The following ARFGEF3 variants were observed in gnomAD, a reference collection of about 807,000 sequenced individuals.
ARFGEF3 encodes brefeldin A-inhibited guanine nucleotide-exchange protein 3.
A neutral mutation model predicts 221.7 loss-of-function variants in ARFGEF3; 96 were observed. The observed-to-expected ratio is 0.43, with a 90% CI of 0.37 to 0.51. The LOEUF (loss-of-function observed/expected upper bound fraction) is 0.51. ARFGEF3 is among the 20% of genes least tolerant of loss of function. The probability of loss-of-function intolerance (pLI) is 0.00; values close to 1 mark genes in which losing one functional copy is unlikely to be tolerated. For synonymous variants in ARFGEF3, 1,145 were observed against 1,126.8 expected (o/e 1.02, Z -0.32); for missense variants, 2,410 against 2,789.9 (o/e 0.86, Z 3.07).
intron 22 of ARFGEF3, among the ~76,000 whole-genome samples, chr6:138,299,661 G>T (rs776366017): frequency 6.6e-6 from 1 of 152,016 alleles, no homozygotes; most frequent in Non-Finnish European, 1.5e-5. Flanking sequence ...GTTTTCCCGC[G>T]AGGGAATTTG....
At chr6:138,233,747 A>G (rs1778235298) in intron 5 of ARFGEF3, among the ~76,000 whole-genome samples, 1 of 152,210 alleles carries the variant, frequency 6.6e-6, no homozygotes, top group Non-Finnish European at 1.5e-5. Flanking sequence ...TCTACAATTA[A>G]GGAACAGATA....
chr6:138,232,490 C>T (rs1478503950), intron 5 of ARFGEF3, among the ~76,000 whole-genome samples: 2 of 152,120 alleles, frequency 1.3e-5, no homozygotes, highest in Non-Finnish European at 2.9e-5. Flanking sequence ...CGGAAGGCTT[C>T]TCTGTGGGAT....
intron 1 of ARFGEF3, among the ~76,000 whole-genome samples, chr6:138,164,250 G>A (rs116485056): frequency 0.012 from 1,769 of 152,204 alleles, 31 homozygotes; most frequent in African/African-American, 0.04. Context: ...AGATTAATGT[G>A]TAAATTCCTC....
At position 138,252,574 on chromosome 6, in the gene ARFGEF3, CT is replaced by C. The variant is rs1370187320; in HGVS notation, c.666-1304del. On this transcript the variant is annotated intron_variant, in intron 8 of 33. Transcript: ENST00000251691. ...ACTTTTCTTTACTTCCTTCCTATCT[CT>C]TCAAGTTTCTAGTTGGCCTGCATGA... Among the ~76,000 whole-genome samples the C allele has an allele frequency of 1.3e-5, 2 of 152,172 alleles. 1 individual carries two copies. Among genetic ancestry groups the C allele is most frequent in the East Asian group, 3.8e-4 (2 of 5,196 alleles).
intron 2 of ARFGEF3, among the ~76,000 whole-genome samples, chr6:138,185,145 C>G (rs112524786): frequency 2.6e-4 from 40 of 152,250 alleles, no homozygotes; most frequent in African/African-American, 9.1e-4. Context: ...AGAGGGGTAC[C>G]CTCTCAGTCT....
chr6:138,265,118 T>C (rs941963415), intron 12 of ARFGEF3, among the ~76,000 whole-genome samples: 3 of 152,252 alleles, frequency 2.0e-5, no homozygotes, highest in East Asian at 3.9e-4. Flanking sequence ...TTAGCCAGGA[T>C]GGTCTCGATC....
chr6:138,315,309 A>C (rs1779903924), intron 26 of ARFGEF3, among the ~76,000 whole-genome samples: 2 of 152,296 alleles, frequency 1.3e-5, no homozygotes, highest in South Asian at 4.1e-4. Flanking sequence ...GTAACTGTGG[A>C]TCATTTTCAG....
In ARFGEF3 at chr6:138,299,498, A is replaced by G. The variant is rs193251747; in HGVS notation, c.3828+713A>G. 1.1e-3 allele frequency among the ~76,000 whole-genome samples: 171 copies of G among 152,280 alleles called. 1 individual carries two copies. Among genetic ancestry groups the G allele is most frequent in the African/African-American group, 3.6e-3 (149 of 41,560 alleles). On this transcript the variant is annotated intron_variant, in intron 22 of 33. Coordinates refer to ENST00000251691, the MANE Select transcript of ARFGEF3 (RefSeq NM_020340.5). The stretch of plus-strand genomic sequence containing the variant: ...TATTTCACACGATGGTGGGCTAGAA[A>G]TACAGGATCTCTCTCTCTGAAGTCC...
intron 24 of ARFGEF3, among the ~76,000 whole-genome samples, chr6:138,309,713 G>A (rs754199926): frequency 7.9e-5 from 12 of 152,212 alleles, no homozygotes; most frequent in Non-Finnish European, 1.5e-4. Flanking sequence ...AGAATGAGGG[G>A]CACTGATGGT....
chr6:138,267,636 A>G (rs1208978403), intron 12 of ARFGEF3, among the ~76,000 whole-genome samples: 4 of 152,190 alleles, frequency 2.6e-5, no homozygotes, highest in Non-Finnish European at 5.9e-5. Context: ...AAGTCTTTTT[A>G]AAATTTGAGG....
At chr6:138,323,272 C>T in intron 29 of ARFGEF3, among the ~76,000 whole-genome samples, 1 of 152,160 alleles carries the variant, frequency 6.6e-6, no homozygotes, top group Non-Finnish European at 1.5e-5. Flanking sequence ...TAAACCTGTG[C>T]ATGAGCCCAT....
intron 31 of ARFGEF3, among the ~76,000 whole-genome samples, chr6:138,326,065 C>T (rs1780121874): frequency 2.0e-5 from 3 of 152,080 alleles, no homozygotes. Flanking sequence ...CCATGTTGGC[C>T]AGGCTGGTCT....
chr6:138,314,914 A>C (rs967270580), intron 26 of ARFGEF3, among the ~76,000 whole-genome samples: 10 of 152,220 alleles, frequency 6.6e-5, no homozygotes, highest in South Asian at 2.1e-4. Context: ...TGGACTTTCC[A>C]AAAACATCAC....
chr6:138,283,007 C>T (rs774852245), intron 14 of ARFGEF3, among the ~76,000 whole-genome samples: 34 of 151,932 alleles, frequency 2.2e-4, no homozygotes, highest in East Asian at 1.6e-3. Flanking sequence ...GCTGAGATCG[C>T]GTCACTGCAC....
rs79915660 is a variant in ARFGEF3 at position 138,167,337 on chromosome 6, G to A, written c.86-3325G>A. Among the ~76,000 whole-genome samples the A allele has an allele frequency of 4.5e-3, 680 of 152,282 alleles. 2 individuals carry two copies. Among genetic ancestry groups the A allele is most frequent in the African/African-American group, 0.015 (623 of 41,560 alleles). ...CTCCATTTCTGAGAATGTGATGCCC[G>A]TGTTTATATCACTAGTCGACACCAG... On this transcript the variant is annotated intron_variant, in intron 1 of 33. Transcript: ENST00000251691.
At position 138,262,933 on chromosome 6, in the gene ARFGEF3, C is replaced by A. The variant is rs1475400991; in HGVS notation, c.1450C>A (p.Arg484=). ...TGAGGCTGACTTCCGCTGGCAGCGG[C>A]GAGTGCTGTCCTCAGAACACACGCC... ...INEADFRWQR[R]VLSSEHTPWE... The change falls in exon 12 of 34, where the codon CGA becomes AGA. Residue 484 remains arginine (R), a synonymous_variant. Coordinates refer to ENST00000251691, the MANE Select transcript of ARFGEF3 (RefSeq NM_020340.5). 1 of 1,604,728 alleles carries A rather than the reference C, an allele frequency of 6.2e-7. No individual in the cohort carries two copies. Among genetic ancestry groups the A allele is most frequent in the Non-Finnish European group, 8.5e-7 (1 of 1,175,516 alleles).
At position 138,334,993 on chromosome 6, in the gene ARFGEF3, G is replaced by A; in HGVS notation, c.6147G>A (p.Lys2049=). 1 of 1,586,112 alleles carries A rather than the reference G, an allele frequency of 6.3e-7. No homozygotes were observed. The highest frequency in any genetic ancestry group is 8.6e-7 in the Non-Finnish European group (1 of 1,166,936). Residue 2049 remains lysine, a synonymous_variant, in exon 33 of 34, where the codon AAG becomes AAA. Transcript: ENST00000251691. The surrounding 1 kb of genome is among the most constrained non-coding windows in gnomAD (Gnocchi z 5.1). ...SAFPKEVKVE[K]KGEPLGPRGQ... ...TCCCCAAAGAGGTCAAAGTGGAGAAGAAAGGAGAGCCACTGGGTCCCAGGG... is the reference window on the plus strand; with the variant it reads ...TCCCCAAAGAGGTCAAAGTGGAGAAAAAAGGAGAGCCACTGGGTCCCAGGG...
At chr6:138,182,999 A>T (rs1777109050) in intron 2 of ARFGEF3, among the ~76,000 whole-genome samples, 2 of 152,176 alleles carry the variant, frequency 1.3e-5, no homozygotes. Context: ...TTATTTTATA[A>T]ATCCTATTTT....
intron 28 of ARFGEF3, 103 bp from the exon 29 acceptor site, chr6:138,321,008 T>C (rs1436631674): frequency 1.3e-5 from 9 of 677,296 alleles, no homozygotes; most frequent in African/African-American, 3.7e-5. Context: ...TTCCCAGATA[T>C]TTGCTTATCA....
Sources: allele counts gnomAD v4.1 joint callset (sites outside exome capture counted in the v4.1 genomes callset), GRCh38; gene constraint gnomAD v4.1.1; non-coding constraint Gnocchi (gnomAD v3.1); transcripts MANE v1.5; gene names NCBI Gene and HGNC (gene_info 2026-07-23, HGNC 2026-07-21).